The following ZNF280A variants were observed in gnomAD, a reference collection of about 807,000 sequenced individuals.
ZNF280A encodes the protein suppressor of hairy wing homolog 1.
In ZNF280A, 26 loss-of-function variants were observed where a neutral mutation model predicts 35.9. That is an observed-to-expected ratio of 0.72 (90% CI 0.53 to 1.01). ZNF280A has a LOEUF of 1.01. Ranked by LOEUF, ZNF280A falls within the 50% of genes least tolerant of loss-of-function variation. ZNF280A has a pLI of 0.00. For missense variants in ZNF280A, 654 were observed against 652.0 expected, an observed-to-expected ratio of 1.00 and a Z score of -0.03; for synonymous variants, 231 against 232.9, an observed-to-expected ratio of 0.99 and a Z score of 0.07.
chr22:22,517,876 T>TAAAA (rs362029), intron 1 of ZNF280A, among the ~76,000 whole-genome samples: 25,859 of 127,406 alleles, frequency 0.2, 3,400 homozygotes, highest in East Asian at 0.46. Flanking sequence ...ACATCTGATG[T>TAAAA]AAAAAAAAAA....
intron 1 of ZNF280A, among the ~76,000 whole-genome samples, chr22:22,516,821 G>A (rs362012): frequency 0.51 from 77,821 of 151,474 alleles, 22,626 homozygotes; most frequent in African/African-American, 0.78. Flanking sequence ...GTTCCCGGAC[G>A]TTGCGTGCCT....
At chr22:22,516,286 C>T (rs1448116162) in intron 1 of ZNF280A, among the ~76,000 whole-genome samples, 2 of 126,712 alleles carry the variant, frequency 1.6e-5, no homozygotes, top group African/African-American at 3.2e-5. Context: ...CACACACACA[C>T]ACAAATCACA....
Position 22,515,063 on chromosome 22 carries a change from C to G in ZNF280A, c.568G>C (p.Val190Leu). Residue 190 changes from valine (V) to leucine (L), a missense_variant, in exon 2 of 2, where the codon GTA becomes CTA. Val to Leu is a conservative substitution (Grantham distance 32). Coordinates refer to ENST00000302097, the MANE Select transcript of ZNF280A (RefSeq NM_080740.5). ...GAAGGGACCACAGCTAAAGAAGGTA[C>G]CCCTGGGATTCCATCCCTGAGTTTA... ...RVKLRDGIPG[V>L]PSLAVVPSDM... The G allele has an allele frequency of 6.2e-7, 1 of 1,613,794 alleles. No homozygotes were observed. The highest frequency in any genetic ancestry group is 8.5e-7 in the Non-Finnish European group (1 of 1,179,956).
intron 1 of ZNF280A, among the ~76,000 whole-genome samples, chr22:22,518,991 A>G (rs995135544): frequency 2.6e-5 from 4 of 151,792 alleles, no homozygotes; most frequent in African/African-American, 9.7e-5. Flanking sequence ...AAGACCCCCG[A>G]AGTGGATGCT....
intron 1 of ZNF280A, among the ~76,000 whole-genome samples, chr22:22,518,605 T>C (rs1247998471): frequency 6.6e-6 from 1 of 151,422 alleles, no homozygotes; most frequent in East Asian, 2.0e-4. Context: ...CTGGCCAACA[T>C]GGTGAAACCC....
intron 1 of ZNF280A, 26 bp from the exon 2 acceptor site, chr22:22,515,727 C>T: frequency 6.7e-7 from 1 of 1,496,238 alleles, no homozygotes; most frequent in Non-Finnish European, 8.9e-7. Context: ...TGACAATAGT[C>T]AATATTTATT....
At chr22:22,516,830 C>T (rs2062077283) in intron 1 of ZNF280A, among the ~76,000 whole-genome samples, 1 of 151,886 alleles carries the variant, frequency 6.6e-6, no homozygotes, top group Non-Finnish European at 1.5e-5. Context: ...CGTTGCGTGC[C>T]TCTTTCCCCA....
Position 22,514,089 on chromosome 22 carries a change from G to A in ZNF280A, c.1542C>T (p.Asp514=), listed in dbSNP as rs202026049. The change falls in exon 2 of 2, where the codon GAC becomes GAT. Residue 514 remains aspartate (D), a synonymous_variant. Coordinates refer to ENST00000302097, the MANE Select transcript of ZNF280A (RefSeq NM_080740.5). ...GMASVIVSNT[D]PQSSPVKTKK... ...TAGTTTTTACAGGAGAAGACTGAGG[G>A]TCAGTGTTGCTAACAATAACGGAAG... The A allele has an allele frequency of 1.1e-4, 171 of 1,613,876 alleles. 1 individual carries two copies. The East Asian group carries it at 2.9e-3, about 27-fold the overall frequency.
In ZNF280A at chr22:22,514,979, T is replaced by G. The variant is rs746634711; in HGVS notation, c.652A>C (p.Asn218His). ...AATGTTACTCCATTCTGAACATGGTTTGATGAGTTGCAGATCCCCTGTGAG... is the reference window on the plus strand; with the variant it reads ...AATGTTACTCCATTCTGAACATGGTGTGATGAGTTGCAGATCCCCTGTGAG... Reference protein sequence around the residue: ...TPSQGICNSSNHVQNGVTFPW... With the variant: ...TPSQGICNSSHHVQNGVTFPW... Residue 218 changes from asparagine to histidine, a missense_variant, in exon 2 of 2, where the codon AAC becomes CAC. Transcript: ENST00000302097. 2 of 1,613,922 alleles carry G rather than the reference T, an allele frequency of 1.2e-6. No individual in the cohort carries two copies. Among genetic ancestry groups the G allele is most frequent in the Non-Finnish European group, 1.7e-6 (2 of 1,179,974 alleles).
chr22:22,518,323 C>A (rs1046394755), intron 1 of ZNF280A, among the ~76,000 whole-genome samples: 2 of 151,960 alleles, frequency 1.3e-5, no homozygotes, highest in African/African-American at 4.8e-5. Context: ...ATATCAGCTA[C>A]ATTTTGGCAA....
At position 22,514,530 on chromosome 22, in the gene ZNF280A, T is replaced by A. The variant is rs780989041; in HGVS notation, c.1101A>T (p.Lys367Asn). ...HIAMGPSAVC[K>N]ICELSFETDQ... The stretch of plus-strand genomic sequence containing the variant: ...CTGTTTCAAATGACAATTCACAGAT[T>A]TTACAGACAGCAGAGGGCCCCATGG... The change falls in exon 2 of 2, where the codon AAA becomes AAT. Residue 367 changes from lysine (K) to asparagine (N), a missense_variant. By Grantham distance (94) the Lys-to-Asn change is moderately conservative. Transcript: ENST00000302097. 9 of 1,613,772 alleles carry A rather than the reference T, an allele frequency of 5.6e-6. No homozygotes were observed. The African/African-American group carries it at 1.1e-4, about 19-fold the overall frequency.
chr22:22,518,957 CCTTAT>C (rs2062108110), intron 1 of ZNF280A, among the ~76,000 whole-genome samples: 1 of 151,686 alleles, frequency 6.6e-6, no homozygotes, highest in Admixed American at 6.6e-5. Flanking sequence ...AGTAGTACCC[CCTTAT>C]CTTTGGGGCA....
chr22:22,519,396 G>A (rs2146906917), intron 1 of ZNF280A, among the ~76,000 whole-genome samples: 1 of 151,978 alleles, frequency 6.6e-6, no homozygotes, highest in Non-Finnish European at 1.5e-5. Context: ...TCGCACCGTG[G>A]CACTCCAGCC....
At position 22,514,769 on chromosome 22, in the gene ZNF280A, C is replaced by T. The variant is rs199756251; in HGVS notation, c.862G>A (p.Gly288Arg). ...GTGTGAGTCTTCTGTTCCGGCTGCCCATCTCCTTTATGCTGTCCATAGTAA... is the reference window on the plus strand; with the variant it reads ...GTGTGAGTCTTCTGTTCCGGCTGCCTATCTCCTTTATGCTGTCCATAGTAA... ...DFYYGQHKGD[G>R]QPEQKTHTTF... The change falls in exon 2 of 2, where the codon GGG (glycine) becomes AGG (arginine). Residue 288 changes from glycine (G) to arginine (R), a missense_variant. By Grantham distance (125) the Gly-to-Arg change is moderately radical. Transcript: ENST00000302097. 78 of 1,613,798 alleles carry T rather than the reference C, an allele frequency of 4.8e-5. No individual in the cohort carries two copies. The highest frequency in any genetic ancestry group is 5.9e-5 in the Non-Finnish European group (70 of 1,179,982).
intron 1 of ZNF280A, among the ~76,000 whole-genome samples, chr22:22,518,908 C>T (rs2062107479): frequency 6.6e-6 from 1 of 151,624 alleles, no homozygotes; most frequent in African/African-American, 2.4e-5. Context: ...GTGCTGTTGT[C>T]CATGGCTGCT....
In ZNF280A at chr22:22,514,961, C is replaced by T; in HGVS notation, c.670G>A (p.Val224Ile). The change falls in exon 2 of 2, where the codon GTA becomes ATA. Residue 224 changes from valine to isoleucine, a missense_variant. Physicochemically the swap from Val to Ile is conservative, Grantham distance 29. Coordinates refer to ENST00000302097, the MANE Select transcript of ZNF280A (RefSeq NM_080740.5). ...TTAGCATCAGGCCAAGGAAATGTTACTCCATTCTGAACATGGTTTGATGAG... is the reference window on the plus strand; with the variant it reads ...TTAGCATCAGGCCAAGGAAATGTTATTCCATTCTGAACATGGTTTGATGAG... ...CNSSNHVQNG[V>I]TFPWPDANGK... is the part of the protein sequence containing the mutation. The T allele has an allele frequency of 1.2e-6, 2 of 1,613,950 alleles. No homozygotes were observed. The highest frequency in any genetic ancestry group is 2.2e-5 in the South Asian group (2 of 91,074).
chr22:22,514,101 A>G lies in ZNF280A; in HGVS notation c.1530T>C (p.Val510=). The change falls in exon 2 of 2, where the codon GTT becomes GTC. Residue 510 remains valine (V), a synonymous_variant. Transcript: ENST00000302097. The stretch of plus-strand genomic sequence containing the variant: ...GAGAAGACTGAGGGTCAGTGTTGCT[A>G]ACAATAACGGAAGCCATACCACTTG... ...PGSSGMASVI[V]SNTDPQSSPV... The G allele has an allele frequency of 6.2e-7, 1 of 1,613,922 alleles. No individual in the cohort carries two copies. The highest frequency in any genetic ancestry group is 8.5e-7 in the Non-Finnish European group (1 of 1,179,976).
intron 1 of ZNF280A, among the ~76,000 whole-genome samples, chr22:22,519,064 T>C (rs779681495): frequency 3.9e-5 from 6 of 151,900 alleles, no homozygotes; most frequent in Admixed American, 6.6e-5. Context: ...TACATACCTA[T>C]GATCAAGCTT....
At position 22,514,079 on chromosome 22, in the gene ZNF280A, A is replaced by C. The variant is rs2062039397; in HGVS notation, c.1552T>G (p.Ser518Ala). The C allele has an allele frequency of 5.6e-6, 9 of 1,613,576 alleles. No individual in the cohort carries two copies. The highest frequency in any genetic ancestry group is 7.6e-6 in the Non-Finnish European group (9 of 1,179,922). The change falls in exon 2 of 2, where the codon TCT becomes GCT. Residue 518 changes from serine to alanine, a missense_variant. Coordinates refer to ENST00000302097, the MANE Select transcript of ZNF280A (RefSeq NM_080740.5). ...GTCTTCTTTTTAGTTTTTACAGGAGAAGACTGAGGGTCAGTGTTGCTAACA... is the reference window on the plus strand; with the variant it reads ...GTCTTCTTTTTAGTTTTTACAGGAGCAGACTGAGGGTCAGTGTTGCTAACA... ...VIVSNTDPQS[S>A]PVKTKKKTAM...
Sources: allele counts gnomAD v4.1 joint callset (sites outside exome capture counted in the v4.1 genomes callset), GRCh38; gene constraint gnomAD v4.1.1; transcripts MANE v1.5; gene names NCBI Gene and HGNC (gene_info 2026-07-23, HGNC 2026-07-21).